Variants in C1orf21 observed in about 807,000 individuals in gnomAD.
C1orf21 encodes the protein uncharacterized protein C1orf21.
C1orf21 carries 3 observed loss-of-function variants against 18.7 expected under a neutral mutation model. That is an observed-to-expected ratio of 0.16 (90% CI 0.07 to 0.42). The LOEUF is 0.42. C1orf21 is among the 10% of genes least tolerant of loss of function. The probability of loss-of-function intolerance (pLI) is 0.99; values close to 1 mark genes in which losing one functional copy is unlikely to be tolerated. For synonymous variants in C1orf21, 41 were observed against 46.4 expected, an observed-to-expected ratio of 0.88 and a Z score of 0.47; for missense variants, 104 against 143.6, an observed-to-expected ratio of 0.72 and a Z score of 1.41.
chr1:184,447,302 G>A (rs1657049740), intron 1 of C1orf21, among the ~76,000 whole-genome samples: 1 of 152,166 alleles, frequency 6.6e-6, no homozygotes, highest in Admixed American at 6.5e-5. Flanking sequence ...ATGCAAATGT[G>A]CATTTTTTAG....
intron 1 of C1orf21, among the ~76,000 whole-genome samples, chr1:184,472,931 A>C (rs1657515512): frequency 6.6e-6 from 1 of 152,232 alleles, no homozygotes; most frequent in African/African-American, 2.4e-5. Context: ...ACATTTTTAA[A>C]AATATTTCAA....
chr1:184,619,379 C>A, intron 5 of C1orf21, 139 bp from the exon 6 acceptor site: 2 of 836,478 alleles, frequency 2.4e-6, no homozygotes, highest in Non-Finnish European at 1.9e-6. Context: ...CGTAGCTACC[C>A]CTGTGCCAGC....
rs1477937518 is a variant in C1orf21 at position 184,624,890 on chromosome 1, A to T, written c.*5334A>T. 1 of 152,150 alleles carries T rather than the reference A, an allele frequency of 6.6e-6. No individual in the cohort carries two copies. Among genetic ancestry groups the T allele is most frequent in the Non-Finnish European group, 1.5e-5 (1 of 68,042 alleles). The allele number at this position is 152,150 out of a possible 1,614,324, so 9.4% of individuals were successfully genotyped here. The stretch of plus-strand genomic sequence containing the variant: ...AGCAACTGTTAAAGGTGCTGCCTAG[A>T]CGGGACCCGCTCCCACCTTTACTTA... On this transcript the variant is annotated 3_prime_UTR_variant, in exon 6 of 6. Transcript: ENST00000235307.
chr1:184,572,824 CACCTGTAATCTCAGCTACTCAGG>C (rs1659131595), intron 3 of C1orf21, among the ~76,000 whole-genome samples: 1 of 151,966 alleles, frequency 6.6e-6, no homozygotes, highest in South Asian at 2.1e-4. Flanking sequence ...TGGTGGCATG[CACCTGTAATCTCAGCTACTCAGG>C]AGGCTGAGGC....
chr1:184,605,828 C>T (rs1230092865), intron 5 of C1orf21, among the ~76,000 whole-genome samples: 2 of 152,176 alleles, frequency 1.3e-5, no homozygotes, highest in African/African-American at 4.8e-5. Flanking sequence ...TGTATGTGCT[C>T]TGTAATTGGT....
At chr1:184,580,925 T>C (rs930447649) in intron 3 of C1orf21, among the ~76,000 whole-genome samples, 2 of 152,200 alleles carry the variant, frequency 1.3e-5, no homozygotes, top group Non-Finnish European at 2.9e-5. Flanking sequence ...TCCCTATGTA[T>C]TTTTTTCCTC....
At chr1:184,411,376 T>C (rs1329858117) in intron 1 of C1orf21, among the ~76,000 whole-genome samples, 3 of 151,992 alleles carry the variant, frequency 2.0e-5, no homozygotes, top group African/African-American at 7.2e-5. Flanking sequence ...ATCTTTTCCT[T>C]AAGCCAACGT....
At chr1:184,545,391 A>G (rs781316308) in intron 3 of C1orf21, among the ~76,000 whole-genome samples, 18 of 152,226 alleles carry the variant, frequency 1.2e-4, no homozygotes, top group Non-Finnish European at 1.9e-4. Context: ...TTTTAGATAA[A>G]TTTAAAATAT....
intron 3 of C1orf21, among the ~76,000 whole-genome samples, chr1:184,550,127 G>A (rs1198992415): frequency 1.3e-5 from 2 of 152,156 alleles, no homozygotes; most frequent in African/African-American, 2.4e-5. Flanking sequence ...GTTGGTTGGG[G>A]TTGTTATAGA....
At chr1:184,616,668 G>A (rs1267981326) in intron 5 of C1orf21, among the ~76,000 whole-genome samples, 1 of 152,126 alleles carries the variant, frequency 6.6e-6, no homozygotes, top group East Asian at 1.9e-4. Flanking sequence ...GCATGTGTGT[G>A]CATGTGTGCA....
chr1:184,590,876 C>T, intron 4 of C1orf21, 61 bp downstream of exon 4: 1 of 1,420,462 alleles, frequency 7.0e-7, no homozygotes, highest in Non-Finnish European at 9.9e-7. Flanking sequence ...GATTCTGCAT[C>T]TGTGGATTCA....
At chr1:184,400,351 G>A (rs1437686457) in intron 1 of C1orf21, among the ~76,000 whole-genome samples, 56 of 152,156 alleles carry the variant, frequency 3.7e-4, no homozygotes. Flanking sequence ...ACAGAGTTCA[G>A]AAAAATATGT....
At chr1:184,434,730 A>G (rs1395164411) in intron 1 of C1orf21, among the ~76,000 whole-genome samples, 2 of 152,200 alleles carry the variant, frequency 1.3e-5, no homozygotes, top group African/African-American at 4.8e-5. Context: ...TGAGCAATCC[A>G]CATAAGATAT....
intron 2 of C1orf21, among the ~76,000 whole-genome samples, chr1:184,484,859 G>A (rs1261124213): frequency 6.6e-6 from 1 of 150,758 alleles, no homozygotes; most frequent in Non-Finnish European, 1.5e-5. Context: ...GTACCTAAAT[G>A]AGAGCATATA....
chr1:184,573,262 G>A (rs1011128543), intron 3 of C1orf21, among the ~76,000 whole-genome samples: 5 of 151,774 alleles, frequency 3.3e-5, no homozygotes, highest in Non-Finnish European at 7.4e-5. Flanking sequence ...TTTTCACATC[G>A]CTCTAGTATA....
chr1:184,502,658 G>T (rs1657994427), intron 2 of C1orf21, among the ~76,000 whole-genome samples: 1 of 152,122 alleles, frequency 6.6e-6, no homozygotes, highest in African/African-American at 2.4e-5. Flanking sequence ...TTACAAATAT[G>T]TACAGTCTTT....
chr1:184,593,433 C>A (rs1442963441), intron 4 of C1orf21, among the ~76,000 whole-genome samples: 2 of 152,158 alleles, frequency 1.3e-5, no homozygotes, highest in Non-Finnish European at 2.9e-5. Context: ...ATTTACTGTA[C>A]TGATGCATAA....
chr1:184,506,154 T>A (rs1447512058), intron 2 of C1orf21, among the ~76,000 whole-genome samples: 2 of 152,194 alleles, frequency 1.3e-5, no homozygotes, highest in Non-Finnish European at 2.9e-5. Flanking sequence ...CTCACACTAG[T>A]CTTTCTAATA....
intron 1 of C1orf21, among the ~76,000 whole-genome samples, chr1:184,455,686 C>T (rs115519022): frequency 0.012 from 1,837 of 152,184 alleles, 45 homozygotes; most frequent in African/African-American, 0.042. Context: ...TTCCTTGTTC[C>T]CATCATAGCT....
Sources: allele counts gnomAD v4.1 joint callset (sites outside exome capture counted in the v4.1 genomes callset), GRCh38; gene constraint gnomAD v4.1.1; transcripts MANE v1.5; gene names NCBI Gene and HGNC (gene_info 2026-07-23, HGNC 2026-07-21).